The following SCARA3 variants were observed in gnomAD, a reference collection of about 807,000 sequenced individuals.
The protein encoded by SCARA3 is scavenger receptor class A member 3, also known as cellular stress response gene protein.
Under a neutral mutation model 47.0 loss-of-function variants are expected in SCARA3, and 39 were observed. That is an observed-to-expected ratio of 0.83 (90% CI 0.64 to 1.08). The LOEUF (loss-of-function observed/expected upper bound fraction) is 1.08, where lower values mean the gene tolerates loss of function less well. Ranked by LOEUF, SCARA3 falls within the 50% of genes least tolerant of loss-of-function variation. The pLI, the probability that SCARA3 is intolerant of heterozygous loss-of-function variation, is 0.00. For synonymous variants in SCARA3, 356 were observed against 334.1 expected (o/e 1.07, Z -0.71); for missense variants, 724 against 792.3 (o/e 0.91, Z 1.04).
At chr8:27,696,298 T>C in the SCARA3 span, among the ~76,000 whole-genome samples, 1 of 152,118 alleles carries the variant, frequency 6.6e-6, no homozygotes, top group Non-Finnish European at 1.5e-5. Flanking sequence ...GCATGAGCCA[T>C]CATGCCTGGC....
At chr8:27,651,409 A>G in intron 2 of SCARA3, 99 bp from the exon 3 acceptor site, 1 of 1,416,400 alleles carries the variant, frequency 7.1e-7, no homozygotes, top group Non-Finnish European at 9.5e-7. Flanking sequence ...GCCTGGTTTG[A>G]ATGTGATGAG....
In SCARA3 at chr8:27,659,397, C is replaced by T. The variant is rs759410084; in HGVS notation, c.1227C>T (p.Thr409=). 40 of 1,613,840 alleles carry T rather than the reference C, an allele frequency of 2.5e-5. No individual in the cohort carries two copies. Among genetic ancestry groups the T allele is most frequent in the Non-Finnish European group, 1.5e-5 (18 of 1,179,934 alleles). ...AGTCTGTCTCCATCATGCTGGGCACCACAGACCTGCTCCGGGAGCGCTTCA... is the reference window on the plus strand; with the variant it reads ...AGTCTGTCTCCATCATGCTGGGCACTACAGACCTGCTCCGGGAGCGCTTCA... The part of the protein sequence containing the change: ...LNKSVSIMLG[T]TDLLRERFSL... Residue 409 remains threonine, a synonymous_variant, in exon 5 of 6, where the codon ACC becomes ACT. Transcript: ENST00000301904.
chr8:27,699,943 T>C, the SCARA3 span, among the ~76,000 whole-genome samples: 3 of 152,204 alleles, frequency 2.0e-5, no homozygotes, highest in African/African-American at 7.2e-5. Flanking sequence ...ACACCAATGA[T>C]TTCAAAGTCT....
downstream of SCARA3, among the ~76,000 whole-genome samples, chr8:27,674,084 T>C (rs1210215069): frequency 6.6e-6 from 1 of 152,116 alleles, no homozygotes; most frequent in Non-Finnish European, 1.5e-5. Flanking sequence ...TGGGAAGTGT[T>C]CCCGCCCCAA....
At chr8:27,640,415 C>G (rs1000914158) in intron 1 of SCARA3, among the ~76,000 whole-genome samples, 1 of 152,094 alleles carries the variant, frequency 6.6e-6, no homozygotes, top group Non-Finnish European at 1.5e-5. Flanking sequence ...GAGACATAGT[C>G]TCACTCTGTG....
rs1428554315 is a variant in SCARA3 at position 27,671,692 on chromosome 8, A to G, written c.*341A>G. ...CATGCACACATACACGTGCACACAT[A>G]CACAGGCACACATGCATGCACACAT... On this transcript the variant is annotated 3_prime_UTR_variant, in exon 6 of 6. Coordinates refer to ENST00000301904, the MANE Select transcript of SCARA3 (RefSeq NM_016240.3). 3.5e-5 allele frequency: 37 copies of G among 1,067,094 alleles called. No homozygotes were observed. The highest frequency in any genetic ancestry group is 4.2e-5 in the Non-Finnish European group (37 of 876,388). 66.1% of individuals were successfully genotyped at this position (1,067,094 alleles called of 1,614,324 possible).
the SCARA3 span, among the ~76,000 whole-genome samples, chr8:27,691,255 A>C: frequency 6.6e-6 from 1 of 152,152 alleles, no homozygotes; most frequent in African/African-American, 2.4e-5. Context: ...GGAATTCATC[A>C]GTCCTCATTA....
At chr8:27,689,246 A>G in the SCARA3 span, among the ~76,000 whole-genome samples, 1 of 152,202 alleles carries the variant, frequency 6.6e-6, no homozygotes, top group Admixed American at 6.5e-5. Flanking sequence ...CCAGGGTCTA[A>G]GGACCCCCAG....
chr8:27,674,705 G>A (rs535444881), downstream of SCARA3, among the ~76,000 whole-genome samples: 11 of 151,070 alleles, frequency 7.3e-5, no homozygotes, highest in East Asian at 2.1e-3. Flanking sequence ...GTCACTCCTG[G>A]GCCTCTTTCT....
At chr8:27,651,674 C>G (rs373064499) in intron 3 of SCARA3, 47 bp downstream of exon 3, 22 of 1,605,000 alleles carry the variant, frequency 1.4e-5, no homozygotes, top group Non-Finnish European at 1.8e-5. Flanking sequence ...GGTGTCTGAT[C>G]AGGGATCCAG....
the SCARA3 span, among the ~76,000 whole-genome samples, chr8:27,707,061 C>T: frequency 6.6e-6 from 1 of 152,034 alleles, no homozygotes; most frequent in Non-Finnish European, 1.5e-5. Context: ...GCTCCAAGCA[C>T]CAAATAGTGA....
chr8:27,691,177 G>A, the SCARA3 span, among the ~76,000 whole-genome samples: 1 of 147,538 alleles, frequency 6.8e-6, no homozygotes, highest in African/African-American at 2.4e-5. Flanking sequence ...ATATAAAACA[G>A]TAAAGAAGGC....
intron 1 of SCARA3, among the ~76,000 whole-genome samples, chr8:27,649,343 G>C (rs1801580797): frequency 6.6e-6 from 1 of 152,232 alleles, no homozygotes; most frequent in African/African-American, 2.4e-5. Flanking sequence ...CGGTGACCAA[G>C]TATTGGGGAA....
the SCARA3 span, among the ~76,000 whole-genome samples, chr8:27,684,348 G>A: frequency 6.6e-6 from 1 of 152,230 alleles, no homozygotes; most frequent in Admixed American, 6.5e-5. Flanking sequence ...GAATGTGGCT[G>A]AGGCAGCAAC....
In SCARA3 at chr8:27,672,313, T is replaced by G. The variant is rs1802185207; in HGVS notation, c.*962T>G. 1 of 985,312 alleles carries G rather than the reference T, an allele frequency of 1.0e-6. No individual in the cohort carries two copies. Among genetic ancestry groups the G allele is most frequent in the African/African-American group, 1.7e-5 (1 of 57,230 alleles). 61.0% of individuals were successfully genotyped at this position (985,312 alleles called of 1,614,324 possible). On this transcript the variant is annotated 3_prime_UTR_variant, in exon 6 of 6. Transcript: ENST00000301904. ...AATCCAAGCAGGAGTTTCATCTGCA[T>G]GGGGGCACTCTGCAGGCCCTGGAAC... is the stretch of plus-strand genomic sequence containing the variant.
In SCARA3 at chr8:27,634,064, T is replaced by A; in HGVS notation, c.-137T>A. On this transcript the variant is annotated 5_prime_UTR_variant, in exon 1 of 6. Coordinates refer to ENST00000301904, the MANE Select transcript of SCARA3 (RefSeq NM_016240.3). ...CGCAGCCCGCGCGCCGGAGCATGAG[T>A]CCCGGCCGGAGCCCCACGGCCGCGG... is the stretch of plus-strand genomic sequence containing the variant. 1 of 697,492 alleles carries A rather than the reference T, an allele frequency of 1.4e-6. No individual in the cohort carries two copies. The allele number at this position is 697,492 out of a possible 1,614,324, so 43.2% of individuals were successfully genotyped here.
the SCARA3 span, among the ~76,000 whole-genome samples, chr8:27,718,586 G>A: frequency 6.6e-6 from 1 of 152,182 alleles, no homozygotes; most frequent in South Asian, 2.1e-4. Context: ...AGGCTTTTTG[G>A]GGATGGGGAA....
the SCARA3 span, among the ~76,000 whole-genome samples, chr8:27,685,927 G>C: frequency 1.3e-5 from 2 of 151,948 alleles, no homozygotes; most frequent in South Asian, 4.2e-4. Context: ...CACATGAGGT[G>C]GGGGGGAAAT....
intron 2 of SCARA3, 28 bp downstream of exon 2, chr8:27,649,828 T>G: frequency 6.3e-7 from 1 of 1,578,438 alleles, no homozygotes; most frequent in African/African-American, 1.3e-5. Flanking sequence ...GCCCCTGATC[T>G]CCGCTCTGGG....
Sources: allele counts gnomAD v4.1 joint callset (sites outside exome capture counted in the v4.1 genomes callset), GRCh38; gene constraint gnomAD v4.1.1; transcripts MANE v1.5; gene names NCBI Gene and HGNC (gene_info 2026-07-23, HGNC 2026-07-21).